The following SGSM2 variants were observed in gnomAD, a reference collection of about 807,000 sequenced individuals.
SGSM2 encodes the protein small G protein signaling modulator 2, also known as RUN and TBC1 domain containing 1.
Under a neutral mutation model 126.6 loss-of-function variants are expected in SGSM2, and 89 were observed. That is an observed-to-expected ratio of 0.70 (90% CI 0.59 to 0.84). The LOEUF (loss-of-function observed/expected upper bound fraction) is 0.84. Among genes scored for constraint, SGSM2 ranks in the 40% least tolerant of loss-of-function variants. SGSM2 has a pLI of 0.00. For synonymous variants in SGSM2, 614 were observed against 574.3 expected (o/e 1.07, Z -0.99); for missense variants, 1,404 against 1,416.6 (o/e 0.99, Z 0.14).
At chr17:2,371,122 C>T (rs1425269754) in intron 12 of SGSM2, 140 bp from the exon 13 acceptor site, 4 of 939,518 alleles carry the variant, frequency 4.3e-6, no homozygotes, top group South Asian at 1.8e-5. Flanking sequence ...GGGCTCTGGA[C>T]CAGGCAGGCC....
chr17:2,378,304 G>A (rs369988159), intron 22 of SGSM2, among the ~76,000 whole-genome samples: 36 of 152,064 alleles, frequency 2.4e-4, no homozygotes, highest in East Asian at 1.5e-3. Context: ...GGCTGGGTGC[G>A]GTGGCTCATG....
intron 2 of SGSM2, among the ~76,000 whole-genome samples, chr17:2,361,363 T>C (rs1039512738): frequency 6.6e-6 from 1 of 152,168 alleles, no homozygotes; most frequent in African/African-American, 2.4e-5. Flanking sequence ...AATGGGGAGC[T>C]TTGGTCCTCA....
rs148031213 is a variant in SGSM2 at position 2,338,774 on chromosome 17, A to AATATATATATATATATATATATATAT, written c.57+1044_57+1045insTATATATATATATATATATATATATA. 3.5e-3 allele frequency among the ~76,000 whole-genome samples: 467 copies of AATATATATATATATATATATATATAT among 133,754 alleles called. 8 individuals carry two copies. The highest frequency in any genetic ancestry group is 7.9e-3 in the Middle Eastern group (2 of 254). The allele number at this position is 133,754 out of a possible 152,430, so 87.7% of individuals were successfully genotyped here. On this transcript the variant is annotated intron_variant, in intron 1 of 23. Transcript: ENST00000268989. ...CCTTGAGTCTCTATGCCGTCTCCCTAATATATATATATATAACCTCACGCC... is the reference window on the plus strand; with the variant it reads ...CCTTGAGTCTCTATGCCGTCTCCCTAATATATATATATATATATATATATATATATATATATATATAACCTCACGCC...
intron 12 of SGSM2, among the ~76,000 whole-genome samples, chr17:2,368,021 C>T (rs1024974940): frequency 2.2e-4 from 33 of 152,222 alleles, no homozygotes; most frequent in African/African-American, 8.0e-4. Flanking sequence ...GGCTCAGGGC[C>T]TGGCAACATG....
chr17:2,369,127 G>A (rs955794782), intron 12 of SGSM2, among the ~76,000 whole-genome samples: 1 of 152,192 alleles, frequency 6.6e-6, no homozygotes, highest in African/African-American at 2.4e-5. Flanking sequence ...AGCAGAATCA[G>A]CAGGCGGTTG....
intron 2 of SGSM2, among the ~76,000 whole-genome samples, chr17:2,354,937 G>A (rs541531764): frequency 9.2e-5 from 12 of 130,284 alleles, no homozygotes; most frequent in African/African-American, 2.1e-4. Context: ...GGGTGTAAGC[G>A]TTGGGGAAGG....
At chr17:2,378,897 G>T (rs1047137705) in intron 22 of SGSM2, 139 bp from the exon 23 acceptor site, 9 of 1,027,168 alleles carry the variant, frequency 8.8e-6, no homozygotes, top group Non-Finnish European at 1.1e-5. Flanking sequence ...TGAGCAGCCA[G>T]TCCGGCCAGC....
rs1165775766 is a variant in SGSM2 at position 2,363,450 on chromosome 17, C to T, written c.673-15C>T. The T allele has an allele frequency of 6.2e-6, 10 of 1,612,464 alleles. No homozygotes were observed. The highest frequency in any genetic ancestry group is 2.7e-5 in the African/African-American group (2 of 74,918). On this transcript the variant is annotated splice_polypyrimidine_tract_variant and intron_variant, in intron 6 of 23. Transcript: ENST00000268989. This position sits in a 1 kb window ranked among gnomAD's most constrained non-coding sequence, Gnocchi z 4.2. ...TTTCCCAAGGCTGGAGGCTGAGCCC[C>T]GGCCTTCCACACAGATCCGGAAACG...
At position 2,378,954 on chromosome 17, in the gene SGSM2, A is replaced by G. The variant is rs2066302003; in HGVS notation, c.2900-82A>G. On this transcript the variant is annotated intron_variant, in intron 22 of 23. Coordinates refer to ENST00000268989, the MANE Select transcript of SGSM2 (RefSeq NM_014853.3). ...AGCCTCAGCCTCAGCCCCAGCCTCA[A>G]TCCCAGCCTCAGCCTCAATCCCAGC... The G allele has an allele frequency of 8.7e-6, 13 of 1,490,722 alleles. No homozygotes were observed. The Middle Eastern group carries it at 1.8e-3, about 202-fold the overall frequency. The allele number at this position is 1,490,722 out of a possible 1,614,324, so 92.3% of individuals were successfully genotyped here.
chr17:2,362,031 A>T lies in SGSM2; in HGVS notation c.297-78A>T. On this transcript the variant is annotated intron_variant, in intron 3 of 23. Transcript: ENST00000268989. This position sits in a 1 kb window ranked among gnomAD's most constrained non-coding sequence, Gnocchi z 4.9. Reference sequence around the variant, plus strand: ...CTCTGTGCTCCCATCTTGGGGTACCAAGCCCCACTCCCAATGCCAGCATTC... The same window carrying T: ...CTCTGTGCTCCCATCTTGGGGTACCTAGCCCCACTCCCAATGCCAGCATTC... 2 of 1,518,980 alleles carry T rather than the reference A, an allele frequency of 1.3e-6. No individual in the cohort carries two copies. The highest frequency in any genetic ancestry group is 2.5e-5 in the South Asian group (2 of 79,838). The allele number at this position is 1,518,980 out of a possible 1,614,324, so 94.1% of individuals were successfully genotyped here.
rs1410433216 is a variant in SGSM2, at chr17:2,380,286, G to T, written c.*766G>T. On this transcript the variant is annotated 3_prime_UTR_variant, in exon 24 of 24. Coordinates refer to ENST00000268989, the MANE Select transcript of SGSM2 (RefSeq NM_014853.3). ...TTAGGTACTTCCCTGAAAACCACGT[G>T]TAAGAAGTGATGCTTTTGCCAGTGG... The T allele has an allele frequency of 6.5e-7, 1 of 1,536,006 alleles. No individual in the cohort carries two copies. The highest frequency in any genetic ancestry group is 8.7e-7 in the Non-Finnish European group (1 of 1,146,902).
chr17:2,377,136 T>TA (rs1335280594), intron 21 of SGSM2, 68 bp downstream of exon 21: 2 of 918,964 alleles, frequency 2.2e-6, no homozygotes, highest in Non-Finnish European at 1.7e-6. Flanking sequence ...TCCACATGGC[T>TA]AGGGAGCATT....
Position 2,379,547 on chromosome 17 carries a change from C to T in SGSM2, c.*27C>T, listed in dbSNP as rs1212740631. The T allele has an allele frequency of 2.5e-6, 4 of 1,601,900 alleles. No individual in the cohort carries two copies. Among genetic ancestry groups the T allele is most frequent in the Middle Eastern group, 1.8e-4 (1 of 5,632 alleles). On this transcript the variant is annotated 3_prime_UTR_variant, in exon 24 of 24. Transcript: ENST00000268989. ...CTGGGGCCAGGAGGCAGCAGCCGTG[C>T]AGAGCCTGGGCTCCGGCAGGGAGAG... is the stretch of plus-strand genomic sequence containing the variant.
At chr17:2,376,702 C>T (rs2066176137) in intron 19 of SGSM2, 31 bp from the exon 20 acceptor site, 2 of 1,608,432 alleles carry the variant, frequency 1.2e-6, no homozygotes, top group Non-Finnish European at 1.7e-6. Flanking sequence ...GAATGGGGCA[C>T]AGCCACAGTG....
chr17:2,371,232 C>T (rs1269661621), intron 12 of SGSM2, 30 bp from the exon 13 acceptor site: 2 of 1,598,886 alleles, frequency 1.3e-6, no homozygotes, highest in Middle Eastern at 1.9e-4. Flanking sequence ...GTGTCTCAGG[C>T]CCTGACCATG....
chr17:2,375,425 CG>C (rs2066086166), intron 17 of SGSM2, 66 bp from the exon 18 acceptor site: 1 of 1,531,446 alleles, frequency 6.5e-7, no homozygotes, highest in East Asian at 2.3e-5. Context: ...CCTTCTGGCC[CG>C]AGGAGGCGGT....
In SGSM2 at chr17:2,373,363, G is replaced by T; in HGVS notation, c.1950G>T (p.Gln650His). ...VDAVVAARYQQVLAEWKACEV... is the reference protein window; with the variant it reads ...VDAVVAARYQHVLAEWKACEV... Reference sequence around the variant, plus strand: ...CAGTGGTGGCAGCAAGGTACCAGCAGGTGTTGGCAGAGTGGAAGGCCTGCG... The same window carrying T: ...CAGTGGTGGCAGCAAGGTACCAGCATGTGTTGGCAGAGTGGAAGGCCTGCG... Residue 650 changes from glutamine to histidine, a missense_variant, in exon 17 of 24, where the codon CAG becomes CAT. Gln to His is a conservative substitution (Grantham distance 24). Coordinates refer to ENST00000268989, the MANE Select transcript of SGSM2 (RefSeq NM_014853.3). The T allele has an allele frequency of 6.2e-7, 1 of 1,613,094 alleles. No homozygotes were observed.
chr17:2,353,743 G>A (rs1460995043), intron 2 of SGSM2, among the ~76,000 whole-genome samples: 1 of 150,340 alleles, frequency 6.7e-6, no homozygotes, highest in Non-Finnish European at 1.5e-5. Flanking sequence ...TCCAGCCTGG[G>A]TGACAGACTG....
chr17:2,348,547 G>A (rs190159324), intron 2 of SGSM2, among the ~76,000 whole-genome samples: 2 of 152,282 alleles, frequency 1.3e-5, no homozygotes, highest in East Asian at 3.9e-4. Flanking sequence ...GCATTGCGGA[G>A]GGCATATGGG....
Sources: allele counts gnomAD v4.1 joint callset (sites outside exome capture counted in the v4.1 genomes callset), GRCh38; gene constraint gnomAD v4.1.1; non-coding constraint Gnocchi (gnomAD v3.1); transcripts MANE v1.5; gene names NCBI Gene and HGNC (gene_info 2026-07-23, HGNC 2026-07-21).